NDUFS5: variants seen among roughly 807,000 people sequenced by gnomAD.
NDUFS5 encodes the protein NADH:ubiquinone oxidoreductase subunit S5, also known as NADH dehydrogenase [ubiquinone] iron-sulfur protein 5.
In NDUFS5, 7 loss-of-function variants were observed where a neutral mutation model predicts 10.5. The ratio of observed to expected loss-of-function variants is 0.66; its 90% confidence interval spans 0.38 to 1.25. The LOEUF is 1.25. Ranked by LOEUF, NDUFS5 falls within the 50% of genes most tolerant of loss-of-function variation. NDUFS5 has a pLI of 0.02. For synonymous variants in NDUFS5, 38 were observed against 44.0 expected (o/e 0.86, Z 0.54); for missense variants, 148 against 140.7 (o/e 1.05, Z -0.26).
intron 2 of NDUFS5, among the ~76,000 whole-genome samples, chr1:39,029,759 G>C (rs2148082004): frequency 6.6e-6 from 1 of 152,310 alleles, no homozygotes; most frequent in South Asian, 2.1e-4. Flanking sequence ...CGATGCAGTG[G>C]AAAAGGGATG....
chr1:39,032,036 G>A (rs1570992793), intron 2 of NDUFS5, among the ~76,000 whole-genome samples: 1 of 152,104 alleles, frequency 6.6e-6, no homozygotes, highest in Non-Finnish European at 1.5e-5. Flanking sequence ...GGGGGTGCCT[G>A]TAATCCCAGC....
At chr1:39,027,581 G>GTTTTTTTTTGT (rs1644158763) in intron 1 of NDUFS5, among the ~76,000 whole-genome samples, 1 of 91,134 alleles carries the variant, frequency 1.1e-5, no homozygotes, top group Non-Finnish European at 2.2e-5. Context: ...TTTCGCTCTG[G>GTTTTTTTTTGT]TTTTTTTTTT....
chr1:39,033,886 C>T (rs528454813), intron 2 of NDUFS5, among the ~76,000 whole-genome samples: 2 of 151,702 alleles, frequency 1.3e-5, no homozygotes, highest in Admixed American at 6.6e-5. Context: ...CTGCAACCTC[C>T]GCCTCCCAAG....
intron 2 of NDUFS5, among the ~76,000 whole-genome samples, chr1:39,032,459 A>G (rs1343937722): frequency 6.6e-6 from 1 of 152,212 alleles, no homozygotes; most frequent in African/African-American, 2.4e-5. Flanking sequence ...TACTGAAGTT[A>G]TATCAACACT....
intron 1 of NDUFS5, 54 bp downstream of exon 1, chr1:39,026,456 G>C (rs985107596): frequency 6.6e-6 from 1 of 152,204 alleles, no homozygotes; most frequent in Non-Finnish European, 1.5e-5. Context: ...TTCCTTCCGA[G>C]GTCTCTTTAA....
At chr1:39,029,425 G>A (rs1380314472) in intron 2 of NDUFS5, among the ~76,000 whole-genome samples, 1 of 152,162 alleles carries the variant, frequency 6.6e-6, no homozygotes, top group Non-Finnish European at 1.5e-5. Context: ...AATGCCTTCA[G>A]ATATGAGGAT....
chr1:39,033,931 G>T (rs548705709), intron 2 of NDUFS5, among the ~76,000 whole-genome samples: 1 of 152,092 alleles, frequency 6.6e-6, no homozygotes, highest in South Asian at 2.1e-4. Flanking sequence ...CTCCCGAGTA[G>T]CTGGGATTAC....
chr1:39,028,999 T>TA, intron 2 of NDUFS5, 59 bp downstream of exon 2: 5 of 1,490,002 alleles, frequency 3.4e-6, no homozygotes, highest in African/African-American at 1.4e-5. Context: ...GGACTCTTTT[T>TA]TTTTTTTTTT....
intron 2 of NDUFS5, among the ~76,000 whole-genome samples, chr1:39,033,442 G>A (rs957515330): frequency 6.6e-6 from 1 of 151,050 alleles, no homozygotes; most frequent in African/African-American, 2.4e-5. Flanking sequence ...GTGTGGTGGC[G>A]GGCGCCTGTA....
intron 2 of NDUFS5, 123 bp downstream of exon 2, chr1:39,029,063 T>A: frequency 1.2e-6 from 1 of 866,124 alleles, no homozygotes; most frequent in Non-Finnish European, 1.7e-6. Context: ...CGCCACCTCG[T>A]CTCACTGTAG....
chr1:39,030,911 C>T (rs776930341), intron 2 of NDUFS5, among the ~76,000 whole-genome samples: 2 of 152,026 alleles, frequency 1.3e-5, no homozygotes, highest in Non-Finnish European at 2.9e-5. Flanking sequence ...TCACTCCCGT[C>T]GCCCAGGCTG....
In NDUFS5 at chr1:39,033,751, C is replaced by T. The variant is rs563328576; in HGVS notation, c.217-641C>T. ...TCCTGACCTTGTGATTCGCCCGCCTCGGCCTCCCAAAGTGCTGGGATTACA... is the reference window on the plus strand; with the variant it reads ...TCCTGACCTTGTGATTCGCCCGCCTTGGCCTCCCAAAGTGCTGGGATTACA... On this transcript the variant is annotated intron_variant, in intron 2 of 2. Transcript: ENST00000372969. 2.5e-3 allele frequency among the ~76,000 whole-genome samples: 379 copies of T among 151,804 alleles called. 1 individual carries two copies. Among genetic ancestry groups the T allele is most frequent in the African/African-American group, 8.6e-3 (356 of 41,486 alleles).
chr1:39,027,841 C>G (rs1335575085), intron 1 of NDUFS5, among the ~76,000 whole-genome samples: 2 of 99,594 alleles, frequency 2.0e-5, no homozygotes, highest in Non-Finnish European at 3.7e-5. Flanking sequence ...TTTTTTGAGA[C>G]AGAGTCTCGC....
At chr1:39,030,851 C>T (rs977676922) in intron 2 of NDUFS5, among the ~76,000 whole-genome samples, 3 of 152,054 alleles carry the variant, frequency 2.0e-5, no homozygotes, top group Non-Finnish European at 2.9e-5. Flanking sequence ...TCTGCCACCA[C>T]TCATTTGTTG....
chr1:39,028,348 C>T (rs1487030287), intron 1 of NDUFS5, among the ~76,000 whole-genome samples: 1 of 151,962 alleles, frequency 6.6e-6, no homozygotes. Context: ...AGGAGAATCG[C>T]TTGAACCCTG....
At chr1:39,028,212 A>C (rs1316201857) in intron 1 of NDUFS5, among the ~76,000 whole-genome samples, 3 of 147,502 alleles carry the variant, frequency 2.0e-5, no homozygotes, top group African/African-American at 7.5e-5. Flanking sequence ...CGGGCGGATC[A>C]CCTGAGGTCA....
chr1:39,030,180 G>A (rs897349659), intron 2 of NDUFS5, among the ~76,000 whole-genome samples: 3 of 151,652 alleles, frequency 2.0e-5, no homozygotes, highest in Non-Finnish European at 4.4e-5. Context: ...CAAGGTGGGC[G>A]GATCACCTGA....
chr1:39,033,133 C>A (rs1357156243), intron 2 of NDUFS5, among the ~76,000 whole-genome samples: 1 of 152,126 alleles, frequency 6.6e-6, no homozygotes, highest in Non-Finnish European at 1.5e-5. Flanking sequence ...GTAGAAGAGA[C>A]AGAATTCAAG....
chr1:39,027,004 T>C (rs1050374234), intron 1 of NDUFS5, among the ~76,000 whole-genome samples: 8 of 152,230 alleles, frequency 5.3e-5, no homozygotes, highest in African/African-American at 1.9e-4. Flanking sequence ...CCCCCGCATC[T>C]GAGTGCCTGG....
Sources: gnomAD v4.1 joint callset for allele counts (sites outside exome capture counted in the v4.1 genomes callset) on GRCh38, gnomAD v4.1.1 for gene constraint, MANE v1.5 for transcripts, NCBI Gene and HGNC (gene_info 2026-07-23, HGNC 2026-07-21) for gene names.